Variants in AGBL4 observed in about 807,000 individuals in gnomAD.
AGBL4 encodes the protein AGBL carboxypeptidase 4.
AGBL4 carries 58 observed loss-of-function variants against 66.4 expected under a neutral mutation model. The ratio of observed to expected loss-of-function variants is 0.87; its 90% CI spans 0.71 to 1.09. The LOEUF (loss-of-function observed/expected upper bound fraction) is 1.09, where lower values mean the gene tolerates loss of function less well. Ranked by LOEUF, AGBL4 falls within the 50% of genes least tolerant of loss-of-function variation. The pLI is 0.00. For synonymous variants in AGBL4, 234 were observed against 222.9 expected (o/e 1.05, Z -0.44); for missense variants, 579 against 631.0 (o/e 0.92, Z 0.88).
chr1:49,518,076 C>T (rs1287305883), intron 3 of AGBL4, among the ~76,000 whole-genome samples: 1 of 152,050 alleles, frequency 6.6e-6, no homozygotes, highest in Non-Finnish European at 1.5e-5. Flanking sequence ...TCCACTGCTG[C>T]TCTCAAGAGA....
chr1:49,932,631 C>T (rs1341749230), intron 1 of AGBL4, among the ~76,000 whole-genome samples: 2 of 151,662 alleles, frequency 1.3e-5, no homozygotes, highest in Non-Finnish European at 2.9e-5. Context: ...ATATAACAAC[C>T]CCTCAAAACT....
chr1:49,053,203 G>A (rs1425773165), intron 4 of AGBL4, among the ~76,000 whole-genome samples: 1 of 152,116 alleles, frequency 6.6e-6, no homozygotes, highest in African/African-American at 2.4e-5. Context: ...GCAAGTCAAG[G>A]TAGGGGGTCA....
At chr1:49,115,181 TAAAG>T in intron 4 of AGBL4, among the ~76,000 whole-genome samples, 1 of 152,250 alleles carries the variant, frequency 6.6e-6, no homozygotes, top group Non-Finnish European at 1.5e-5. Context: ...TAGCATTTAA[TAAAG>T]AATCCTGTTT....
chr1:49,130,060 GC>G (rs1222763837), intron 4 of AGBL4, among the ~76,000 whole-genome samples: 1 of 151,674 alleles, frequency 6.6e-6, no homozygotes, highest in Non-Finnish European at 1.5e-5. Context: ...TTCTCTGATG[GC>G]CAGTGATGGT....
chr1:48,928,711 T>C (rs1654790014), intron 5 of AGBL4, among the ~76,000 whole-genome samples: 3 of 149,988 alleles, frequency 2.0e-5, no homozygotes, highest in Admixed American at 6.6e-5. Context: ...TATAGACATA[T>C]AGGCATAATA....
chr1:49,812,358 C>A (rs915674214), intron 2 of AGBL4, among the ~76,000 whole-genome samples: 5 of 152,122 alleles, frequency 3.3e-5, no homozygotes. Context: ...TCCTCCAACA[C>A]CTACATTCTA....
chr1:49,167,345 C>G (rs868640203), intron 4 of AGBL4, among the ~76,000 whole-genome samples: 16 of 152,110 alleles, frequency 1.1e-4, no homozygotes, highest in African/African-American at 3.9e-4. Flanking sequence ...TTCCATATGC[C>G]TAGTTATCAT....
intron 5 of AGBL4, among the ~76,000 whole-genome samples, chr1:48,958,840 G>A (rs533920734): frequency 6.6e-6 from 1 of 152,254 alleles, no homozygotes; most frequent in South Asian, 2.1e-4. Context: ...TGCCATCTTG[G>A]AGTTCTTAAC....
chr1:49,385,641 T>G (rs953493837), intron 3 of AGBL4, among the ~76,000 whole-genome samples: 1 of 152,100 alleles, frequency 6.6e-6, no homozygotes, highest in African/African-American at 2.4e-5. Context: ...TTAATCAAAC[T>G]TCTTTATATC....
chr1:49,598,065 T>G (rs913534080), intron 3 of AGBL4, among the ~76,000 whole-genome samples: 8 of 152,078 alleles, frequency 5.3e-5, no homozygotes, highest in African/African-American at 1.7e-4. Flanking sequence ...TGAATAAGAG[T>G]GGTTAGAGAG....
chr1:49,179,797 T>G (rs988853199), intron 4 of AGBL4, among the ~76,000 whole-genome samples: 1 of 152,236 alleles, frequency 6.6e-6, no homozygotes, highest in Non-Finnish European at 1.5e-5. Flanking sequence ...GAAGCAGTTA[T>G]GAATTCAGGC....
At chr1:49,641,498 T>C (rs1235691180) in intron 3 of AGBL4, among the ~76,000 whole-genome samples, 5 of 152,106 alleles carry the variant, frequency 3.3e-5, no homozygotes, top group Admixed American at 6.6e-5. Context: ...ATGTTTCCCA[T>C]AGATGAATTT....
intron 3 of AGBL4, among the ~76,000 whole-genome samples, chr1:49,504,038 G>A (rs561433729): frequency 2.0e-5 from 3 of 152,228 alleles, no homozygotes; most frequent in East Asian, 1.9e-4. Flanking sequence ...CAAATGAATT[G>A]TAATTCTCAT....
At chr1:48,574,522 T>C (rs1215971459) in intron 11 of AGBL4, among the ~76,000 whole-genome samples, 1 of 150,744 alleles carries the variant, frequency 6.6e-6, no homozygotes, top group East Asian at 1.9e-4. Flanking sequence ...TATGTATATT[T>C]TTTTCTTTTC....
At position 49,262,001 on chromosome 1, in the gene AGBL4, C is replaced by T. The variant is rs1188597445; in HGVS notation, c.283-16137G>A. ...AACAGAACAGAGCCCTCAGAAATAA[C>T]GCCGCATATCTACAACTGTCTGATC... On this transcript the variant is annotated intron_variant, in intron 3 of 13. Coordinates refer to ENST00000371839, the MANE Select transcript of AGBL4 (RefSeq NM_032785.4). Among the ~76,000 whole-genome samples the T allele has an allele frequency of 9.2e-4, 140 of 151,394 alleles. 1 individual carries two copies. Among genetic ancestry groups the T allele is most frequent in the African/African-American group, 3.1e-3 (127 of 41,254 alleles).
chr1:48,527,611 G>T, the AGBL4 span, among the ~76,000 whole-genome samples: 7 of 151,022 alleles, frequency 4.6e-5, no homozygotes, highest in East Asian at 1.4e-3. Flanking sequence ...AAAAAAAATT[G>T]ATAAACAGAT....
chr1:49,767,013 C>G (rs1652779566), intron 2 of AGBL4, among the ~76,000 whole-genome samples: 1 of 152,104 alleles, frequency 6.6e-6, no homozygotes. Flanking sequence ...TGGGAAACTT[C>G]AACACCCCAC....
intron 3 of AGBL4, among the ~76,000 whole-genome samples, chr1:49,442,232 G>A (rs1246974418): frequency 6.6e-6 from 1 of 152,126 alleles, no homozygotes; most frequent in African/African-American, 2.4e-5. Context: ...CTCAAAAGCT[G>A]CCTCATGGTT....
At chr1:49,672,605 G>A (rs974656342) in intron 3 of AGBL4, among the ~76,000 whole-genome samples, 8 of 151,688 alleles carry the variant, frequency 5.3e-5, no homozygotes, top group Non-Finnish European at 1.0e-4. Context: ...AAAAATTGAT[G>A]AAACCAAAAT....
Sources: allele counts gnomAD v4.1 joint callset (sites outside exome capture counted in the v4.1 genomes callset), GRCh38; gene constraint gnomAD v4.1.1; transcripts MANE v1.5; gene names NCBI Gene and HGNC (gene_info 2026-07-23, HGNC 2026-07-21).